ASAP1: variants seen among roughly 807,000 people sequenced by gnomAD.
The protein encoded by ASAP1 is arf-GAP with SH3 domain, ANK repeat and PH domain-containing protein 1.
Under a neutral mutation model 145.2 loss-of-function variants are expected in ASAP1, and 43 were observed. The observed-to-expected ratio is 0.30, with a 90% CI of 0.23 to 0.38. The LOEUF (loss-of-function observed/expected upper bound fraction) is 0.38, where lower values mean the gene tolerates loss of function less well. Ranked by LOEUF, ASAP1 falls within the 10% of genes least tolerant of loss-of-function variation. The pLI, the probability that ASAP1 is intolerant of heterozygous loss-of-function variation, is 1.00. For missense variants in ASAP1, 1,018 were observed against 1,355.3 expected (o/e 0.75, Z 3.91); for synonymous variants, 546 against 515.5 (o/e 1.06, Z -0.80).
intron 2 of ASAP1, among the ~76,000 whole-genome samples, chr8:130,372,629 C>T (rs573524578): frequency 2.6e-5 from 4 of 152,234 alleles, no homozygotes; most frequent in African/African-American, 9.6e-5. Flanking sequence ...GAGGATGAAA[C>T]ATTTGCAGGA....
Position 130,134,330 on chromosome 8 carries a change from G to T in ASAP1, c.1183C>A (p.His395Asn). The change falls in exon 15 of 30, where the codon CAC (histidine) becomes AAC (asparagine). Residue 395 changes from histidine to asparagine, a missense_variant. Around this residue, in one of 9 missense-constraint regions of ASAP1, gnomAD observed 153 missense variants for 221.6 expected, o/e 0.69. Coordinates refer to ENST00000518721, the MANE Select transcript of ASAP1 (RefSeq NM_018482.4). The stretch of plus-strand genomic sequence containing the variant: ...TCCTGCTCATCTTCTGCCTGAAAGT[G>T]ATATGTTCTATTATCTAAAATAAAA... ...FDLISHNRTY[H>N]FQAEDEQDYV... The T allele has an allele frequency of 6.3e-7, 1 of 1,581,782 alleles. No individual in the cohort carries two copies. Among genetic ancestry groups the T allele is most frequent in the Non-Finnish European group, 8.6e-7 (1 of 1,163,024 alleles).
chr8:130,287,297 T>C (rs1394230763), intron 3 of ASAP1, among the ~76,000 whole-genome samples: 1 of 152,098 alleles, frequency 6.6e-6, no homozygotes, highest in Non-Finnish European at 1.5e-5. Flanking sequence ...TGTTGGGGGA[T>C]AATAAAAGAT....
At chr8:130,219,140 C>A (rs1817129173) in intron 4 of ASAP1, among the ~76,000 whole-genome samples, 1 of 150,720 alleles carries the variant, frequency 6.6e-6, no homozygotes, top group African/African-American at 2.4e-5. Context: ...TGACTACTTA[C>A]AATACAGAGC....
chr8:130,407,352 C>G (rs1253632019), intron 1 of ASAP1, among the ~76,000 whole-genome samples: 1 of 152,232 alleles, frequency 6.6e-6, no homozygotes, highest in Non-Finnish European at 1.5e-5. Flanking sequence ...CCATCCCTAA[C>G]TGCCCAGACA....
intron 24 of ASAP1, among the ~76,000 whole-genome samples, chr8:130,093,339 T>C (rs900473130): frequency 6.6e-6 from 1 of 152,152 alleles, no homozygotes; most frequent in African/African-American, 2.4e-5. Flanking sequence ...GGTTTAACTG[T>C]GTTCATGGCA....
chr8:130,364,937 A>G (rs1417642312), intron 2 of ASAP1, among the ~76,000 whole-genome samples: 1 of 152,218 alleles, frequency 6.6e-6, no homozygotes, highest in Non-Finnish European at 1.5e-5. Context: ...TCCAGTCTCA[A>G]AAAATAAATA....
At chr8:130,442,594 A>C (rs756897033) in intron 1 of ASAP1, among the ~76,000 whole-genome samples, 1 of 152,152 alleles carries the variant, frequency 6.6e-6, no homozygotes, top group Non-Finnish European at 1.5e-5. Flanking sequence ...AGATAACCTA[A>C]CAGAGTAGAC....
At chr8:130,410,386 C>T (rs901830046) in intron 1 of ASAP1, among the ~76,000 whole-genome samples, 1 of 152,122 alleles carries the variant, frequency 6.6e-6, no homozygotes, top group Non-Finnish European at 1.5e-5. Context: ...AGCCTCGGGA[C>T]CCCCAAGAAG....
At chr8:130,251,084 C>T (rs1032802201) in intron 3 of ASAP1, among the ~76,000 whole-genome samples, 4 of 152,080 alleles carry the variant, frequency 2.6e-5, no homozygotes, top group Non-Finnish European at 5.9e-5. Flanking sequence ...TGCACACCTG[C>T]AGAACAATGT....
At chr8:130,269,854 A>C (rs1820484748) in intron 3 of ASAP1, among the ~76,000 whole-genome samples, 1 of 152,194 alleles carries the variant, frequency 6.6e-6, no homozygotes, top group African/African-American at 2.4e-5. Flanking sequence ...CAGGATCACA[A>C]AATTTTGAGG....
At chr8:130,147,822 A>G (rs1180150267) in intron 13 of ASAP1, among the ~76,000 whole-genome samples, 1 of 152,236 alleles carries the variant, frequency 6.6e-6, no homozygotes, top group East Asian at 1.9e-4. Flanking sequence ...TAAAGAGGCC[A>G]GCTGGATTTC....
intron 2 of ASAP1, among the ~76,000 whole-genome samples, chr8:130,372,004 C>T (rs1245303370): frequency 1.3e-5 from 2 of 152,156 alleles, no homozygotes; most frequent in East Asian, 3.8e-4. Flanking sequence ...CCAACTAGTC[C>T]TCTGTGTTTG....
At chr8:130,180,031 G>A (rs775254769) in intron 8 of ASAP1, among the ~76,000 whole-genome samples, 14 of 148,726 alleles carry the variant, frequency 9.4e-5, no homozygotes, top group Non-Finnish European at 2.1e-4. Flanking sequence ...AGAAAGGAGA[G>A]GGAGGGAAGG....
At chr8:130,326,589 C>T (rs1196952135) in intron 3 of ASAP1, among the ~76,000 whole-genome samples, 1 of 152,234 alleles carries the variant, frequency 6.6e-6, no homozygotes, top group East Asian at 1.9e-4. Flanking sequence ...AAACAGCTCG[C>T]TCCACGCTAG....
chr8:130,169,103 T>TTA (rs1554837953), intron 9 of ASAP1, 36 bp from the exon 10 acceptor site: 572 of 1,056,848 alleles, frequency 5.4e-4, no homozygotes, highest in African/African-American at 1.1e-3. Flanking sequence ...ACCACCAGTA[T>TTA]AAAAAAAAAA....
chr8:130,422,300 T>C (rs2138713926), intron 1 of ASAP1, among the ~76,000 whole-genome samples: 1 of 152,222 alleles, frequency 6.6e-6, no homozygotes, highest in South Asian at 2.1e-4. Flanking sequence ...AGCCAGACCA[T>C]CACAGTCACC....
At chr8:130,408,605 T>C (rs1829134800) in intron 1 of ASAP1, among the ~76,000 whole-genome samples, 1 of 152,182 alleles carries the variant, frequency 6.6e-6, no homozygotes, top group Non-Finnish European at 1.5e-5. Context: ...CCACTTATTA[T>C]AAGGGTGAGC....
intron 28 of ASAP1, among the ~76,000 whole-genome samples, chr8:130,058,645 G>C (rs191338763): frequency 6.6e-6 from 1 of 152,306 alleles, no homozygotes; most frequent in Non-Finnish European, 1.5e-5. Flanking sequence ...GTTTTGATTT[G>C]AGCATTTATT....
At chr8:130,182,831 CAAAA>C (rs35195899) in intron 7 of ASAP1, among the ~76,000 whole-genome samples, 3 of 73,584 alleles carry the variant, frequency 4.1e-5, no homozygotes, top group Admixed American at 1.4e-4. Flanking sequence ...TATAAAAAGG[CAAAA>C]AAAAAAAAAA....
Sources: gnomAD v4.1 joint callset for allele counts (sites outside exome capture counted in the v4.1 genomes callset) on GRCh38, gnomAD v4.1.1 for gene constraint, gnomAD v4.1.1 regional missense constraint, MANE v1.5 for transcripts, NCBI Gene and HGNC (gene_info 2026-07-23, HGNC 2026-07-21) for gene names.